Variants in LRMDA observed in about 807,000 individuals in gnomAD.
LRMDA encodes the protein leucine rich melanocyte differentiation associated.
LRMDA carries 18 observed loss-of-function variants against 29.8 expected under a neutral mutation model. The ratio of observed to expected loss-of-function variants is 0.60; its 90% confidence interval spans 0.42 to 0.90. The LOEUF is 0.90. Ranked by LOEUF, LRMDA falls within the 40% of genes least tolerant of loss-of-function variation. The pLI, the probability that LRMDA is intolerant of heterozygous loss-of-function variation, is 0.00. For synonymous variants in LRMDA, 125 were observed against 109.4 expected, an observed-to-expected ratio of 1.14 and a Z score of -0.89; for missense variants, 273 against 273.9, an observed-to-expected ratio of 1.00 and a Z score of 0.02.
intron 2 of LRMDA, among the ~76,000 whole-genome samples, chr10:75,792,251 G>A (rs903670360): frequency 3.5e-5 from 5 of 141,344 alleles, no homozygotes; most frequent in Admixed American, 1.4e-4. Context: ...AATAAATGAG[G>A]TACTGGTGTT....
intron 5 of LRMDA, among the ~76,000 whole-genome samples, chr10:76,255,838 G>A (rs992375364): frequency 2.6e-5 from 4 of 152,194 alleles, no homozygotes; most frequent in African/African-American, 9.7e-5. Flanking sequence ...ATATTAGAGA[G>A]AATAAAATAT....
chr10:76,218,136 G>A (rs1851763235), intron 5 of LRMDA, among the ~76,000 whole-genome samples: 1 of 152,204 alleles, frequency 6.6e-6, no homozygotes, highest in Non-Finnish European at 1.5e-5. Context: ...GTGTGTATTT[G>A]GAGTGGAGTT....
intron 2 of LRMDA, among the ~76,000 whole-genome samples, chr10:75,552,009 C>G (rs1433610725): frequency 6.6e-6 from 1 of 152,044 alleles, no homozygotes; most frequent in Non-Finnish European, 1.5e-5. Flanking sequence ...CACCACTGCA[C>G]TCCAGCCTGG....
intron 2 of LRMDA, among the ~76,000 whole-genome samples, chr10:75,894,000 G>A (rs1428664777): frequency 1.3e-5 from 2 of 150,172 alleles, no homozygotes; most frequent in East Asian, 3.9e-4. Context: ...TTTCTTTTTA[G>A]AACCTGATAA....
intron 2 of LRMDA, among the ~76,000 whole-genome samples, chr10:75,614,677 C>T (rs576586627): frequency 1.6e-3 from 237 of 152,282 alleles, no homozygotes; most frequent in Middle Eastern, 3.4e-3. Context: ...TATCTGACAA[C>T]ACAACATGGG....
chr10:75,595,430 T>C (rs1359618152), intron 2 of LRMDA, among the ~76,000 whole-genome samples: 5 of 152,022 alleles, frequency 3.3e-5, no homozygotes, highest in African/African-American at 1.2e-4. Flanking sequence ...TTCTTTTCTC[T>C]AAATCTTAAA....
At chr10:76,082,236 C>T (rs1433113757) in intron 5 of LRMDA, among the ~76,000 whole-genome samples, 1 of 152,072 alleles carries the variant, frequency 6.6e-6, no homozygotes, top group East Asian at 1.9e-4. Context: ...CAAGCCAATT[C>T]CCCTTGTCTA....
chr10:76,393,240 T>A lies in LRMDA; in HGVS notation c.601+68755T>A, dbSNP rs565580688. ...GGTTATATGTATAATAACTGTATTT[T>A]TAATTGAGGAATCTCCATACTGTTT... On this transcript the variant is annotated intron_variant, in intron 6 of 6. Coordinates refer to ENST00000611255, the MANE Select transcript of LRMDA (RefSeq NM_001305581.2). Among the ~76,000 whole-genome samples the A allele has an allele frequency of 1.4e-4, 21 of 152,286 alleles. No individual in the cohort carries two copies. The South Asian group carries it at 2.9e-3, about 21-fold the overall frequency.
chr10:76,040,796 G>A (rs2132034638), intron 3 of LRMDA, among the ~76,000 whole-genome samples: 1 of 152,314 alleles, frequency 6.6e-6, no homozygotes, highest in South Asian at 2.1e-4. Flanking sequence ...GGGCACATAA[G>A]CAGATTTTAT....
intron 2 of LRMDA, among the ~76,000 whole-genome samples, chr10:75,617,416 G>C (rs1841118228): frequency 6.6e-6 from 1 of 152,180 alleles, no homozygotes. Flanking sequence ...GGCCAACTCA[G>C]AATGTTTGAG....
chr10:75,937,992 T>C (rs1381710053), intron 2 of LRMDA, among the ~76,000 whole-genome samples: 2 of 152,206 alleles, frequency 1.3e-5, no homozygotes, highest in Non-Finnish European at 2.9e-5. Context: ...ACAAGTCGCA[T>C]AAAACTAATG....
At chr10:76,393,769 C>G (rs1841750912) in intron 6 of LRMDA, among the ~76,000 whole-genome samples, 1 of 152,084 alleles carries the variant, frequency 6.6e-6, no homozygotes, top group Admixed American at 6.6e-5. Context: ...CCCTATGTTT[C>G]CTTCTAGTGG....
intron 6 of LRMDA, among the ~76,000 whole-genome samples, chr10:76,345,734 AT>A (rs1195101446): frequency 6.6e-6 from 1 of 152,114 alleles, no homozygotes; most frequent in East Asian, 1.9e-4. Context: ...GAATAAACAA[AT>A]TGAATTTTCA....
intron 2 of LRMDA, among the ~76,000 whole-genome samples, chr10:75,564,686 C>A (rs1840347736): frequency 6.6e-6 from 1 of 152,216 alleles, no homozygotes; most frequent in Non-Finnish European, 1.5e-5. Context: ...GCTGCCCTCT[C>A]TGGAGTATGA....
At chr10:76,205,133 A>T (rs1348287996) in intron 5 of LRMDA, among the ~76,000 whole-genome samples, 1 of 152,198 alleles carries the variant, frequency 6.6e-6, no homozygotes, top group Non-Finnish European at 1.5e-5. Flanking sequence ...CACTTAAAAA[A>T]GAGAGGAAAA....
chr10:75,910,097 T>C (rs529320027), intron 2 of LRMDA, among the ~76,000 whole-genome samples: 2 of 152,240 alleles, frequency 1.3e-5, no homozygotes, highest in Non-Finnish European at 2.9e-5. Context: ...TTGGGTTTTA[T>C]TTCTTTGACA....
At chr10:75,765,645 G>A (rs1203470660) in intron 2 of LRMDA, among the ~76,000 whole-genome samples, 1 of 151,896 alleles carries the variant, frequency 6.6e-6, no homozygotes, top group Admixed American at 6.6e-5. Flanking sequence ...GATTGATTCT[G>A]CACAGTGGTG....
At chr10:75,435,547 G>T (rs1041015642) in intron 1 of LRMDA, among the ~76,000 whole-genome samples, 2 of 152,156 alleles carry the variant, frequency 1.3e-5, no homozygotes, top group African/African-American at 4.8e-5. Context: ...ATTACTTATC[G>T]AGTTGGTTCT....
intron 4 of LRMDA, among the ~76,000 whole-genome samples, chr10:76,056,324 G>A (rs530211633): frequency 5.9e-5 from 9 of 152,332 alleles, no homozygotes; most frequent in Admixed American, 5.2e-4. Context: ...TCCAGAAAAA[G>A]TACCATATGT....
Sources: gnomAD v4.1 joint callset for allele counts (sites outside exome capture counted in the v4.1 genomes callset) on GRCh38, gnomAD v4.1.1 for gene constraint, MANE v1.5 for transcripts, NCBI Gene and HGNC (gene_info 2026-07-23, HGNC 2026-07-21) for gene names.